TAFA1: variants seen among roughly 807,000 people sequenced by gnomAD.
TAFA1 encodes the protein TAFA chemokine like family member 1.
In TAFA1, 4 loss-of-function variants were observed where a neutral mutation model predicts 18.5. The observed-to-expected ratio is 0.22, with a 90% CI of 0.11 to 0.49. The LOEUF is 0.49. TAFA1 is among the 20% of genes least tolerant of loss of function. TAFA1 has a pLI of 0.98. For missense variants in TAFA1, 147 were observed against 169.0 expected, an observed-to-expected ratio of 0.87 and a Z score of 0.72; for synonymous variants, 56 against 55.2, an observed-to-expected ratio of 1.01 and a Z score of -0.06.
chr3:68,487,470 A>G (rs1015070675), intron 3 of TAFA1, among the ~76,000 whole-genome samples: 4 of 152,280 alleles, frequency 2.6e-5, no homozygotes, highest in Admixed American at 6.5e-5. Context: ...ACTGTTGGCC[A>G]GGCGTGGTAG....
At chr3:68,087,692 T>C (rs1193829212) in intron 2 of TAFA1, among the ~76,000 whole-genome samples, 3 of 151,962 alleles carry the variant, frequency 2.0e-5, no homozygotes, top group Non-Finnish European at 4.4e-5. Context: ...AACATAGCAT[T>C]ATATTAAACA....
chr3:68,344,747 CTT>C (rs1177197282), intron 2 of TAFA1, among the ~76,000 whole-genome samples: 4 of 152,112 alleles, frequency 2.6e-5, no homozygotes. Context: ...TCTACACAGT[CTT>C]TAGCTGCCAG....
chr3:68,272,965 C>A (rs1269129068), intron 2 of TAFA1, among the ~76,000 whole-genome samples: 1 of 151,988 alleles, frequency 6.6e-6, no homozygotes, highest in African/African-American at 2.4e-5. Flanking sequence ...CCTGGCCTGG[C>A]CTGTTCTGTC....
chr3:68,400,032 C>T (rs2070457959), intron 2 of TAFA1, among the ~76,000 whole-genome samples: 1 of 152,214 alleles, frequency 6.6e-6, no homozygotes, highest in Non-Finnish European at 1.5e-5. Context: ...TGTTTCCACA[C>T]AGCCCAGGTC....
intron 2 of TAFA1, among the ~76,000 whole-genome samples, chr3:68,129,608 T>C (rs1009031159): frequency 5.9e-5 from 9 of 152,352 alleles, no homozygotes; most frequent in African/African-American, 1.7e-4. Flanking sequence ...AACATGATAA[T>C]TGTTCTTCAA....
chr3:68,385,861 C>T (rs1317561889), intron 2 of TAFA1, among the ~76,000 whole-genome samples: 1 of 152,014 alleles, frequency 6.6e-6, no homozygotes, highest in Non-Finnish European at 1.5e-5. Flanking sequence ...ATACATATAG[C>T]ATGCAGTGAG....
chr3:68,288,522 C>G (rs2068055677), intron 2 of TAFA1, among the ~76,000 whole-genome samples: 1 of 152,150 alleles, frequency 6.6e-6, no homozygotes, highest in South Asian at 2.1e-4. Context: ...GGCTAGATTC[C>G]CTTTGTTTGT....
At chr3:68,408,214 T>C (rs942997373) in intron 2 of TAFA1, among the ~76,000 whole-genome samples, 6 of 152,226 alleles carry the variant, frequency 3.9e-5, no homozygotes, top group Admixed American at 1.3e-4. Context: ...CCATCTTAAC[T>C]TTCTTTAAAT....
intron 2 of TAFA1, among the ~76,000 whole-genome samples, chr3:68,029,052 T>C (rs1405119651): frequency 6.6e-6 from 1 of 152,114 alleles, no homozygotes; most frequent in Non-Finnish European, 1.5e-5. Context: ...CATGACTGGC[T>C]AGCCTCACTC....
At chr3:68,498,770 G>A (rs1312876686) in intron 3 of TAFA1, among the ~76,000 whole-genome samples, 1 of 118,262 alleles carries the variant, frequency 8.5e-6, no homozygotes, top group Non-Finnish European at 1.6e-5. Context: ...GAGAGAGAGA[G>A]AAAACTATTT....
chr3:68,082,293 G>C (rs879918381), intron 2 of TAFA1, among the ~76,000 whole-genome samples: 2 of 152,232 alleles, frequency 1.3e-5, no homozygotes, highest in African/African-American at 4.8e-5. Flanking sequence ...CACGCTGGGA[G>C]CTGTAGACCG....
chr3:68,381,940 G>A (rs1041723947), intron 2 of TAFA1, among the ~76,000 whole-genome samples: 14 of 152,114 alleles, frequency 9.2e-5, no homozygotes, highest in Admixed American at 6.6e-4. Flanking sequence ...TTTGAGATAC[G>A]TCCCATCAAT....
chr3:68,380,456 C>A (rs915437969), intron 2 of TAFA1, among the ~76,000 whole-genome samples: 1 of 152,152 alleles, frequency 6.6e-6, no homozygotes, highest in African/African-American at 2.4e-5. Flanking sequence ...TAATGATCGC[C>A]ATTCTAACTG....
intron 3 of TAFA1, among the ~76,000 whole-genome samples, chr3:68,443,118 G>A (rs1297357650): frequency 3.3e-5 from 5 of 152,032 alleles, no homozygotes; most frequent in Non-Finnish European, 5.9e-5. Context: ...ACCTTGGCTC[G>A]AAAATGACTC....
chr3:68,254,176 T>C lies in TAFA1; in HGVS notation c.119-163104T>C, dbSNP rs58495972. Among the ~76,000 whole-genome samples, 12 of 149,722 alleles carry C rather than the reference T, an allele frequency of 8.0e-5. No individual in the cohort carries two copies. The East Asian group carries it at 1.6e-3, about 20-fold the overall frequency. ...ATCTATCTGTCTATCTATCTATCTATCTATCTATCTAATCTGTCTATCCAT... is the reference window on the plus strand; with the variant it reads ...ATCTATCTGTCTATCTATCTATCTACCTATCTATCTAATCTGTCTATCCAT... On this transcript the variant is annotated intron_variant, in intron 2 of 4. Transcript: ENST00000478136.
At chr3:68,022,185 A>G (rs1184926250) in intron 2 of TAFA1, among the ~76,000 whole-genome samples, 2 of 152,218 alleles carry the variant, frequency 1.3e-5, no homozygotes, top group African/African-American at 4.8e-5. Flanking sequence ...TTGTAAGCAG[A>G]AAACCCTATT....
At chr3:68,259,798 A>T (rs1247581886) in intron 2 of TAFA1, among the ~76,000 whole-genome samples, 2 of 151,208 alleles carry the variant, frequency 1.3e-5, no homozygotes, top group African/African-American at 4.9e-5. Context: ...GTATCCTGAG[A>T]CTTTGCTGAA....
chr3:68,228,474 C>A (rs1477775820), intron 2 of TAFA1, among the ~76,000 whole-genome samples: 1 of 152,144 alleles, frequency 6.6e-6, no homozygotes, highest in Non-Finnish European at 1.5e-5. Context: ...AAAAATATTT[C>A]CGCAGAAAAT....
At chr3:68,419,836 C>G (rs146850257) in intron 3 of TAFA1, among the ~76,000 whole-genome samples, 1 of 152,144 alleles carries the variant, frequency 6.6e-6, no homozygotes. Context: ...ATAAAGGAAT[C>G]GCGGTGAACC....
Sources: gnomAD v4.1 joint callset for allele counts (sites outside exome capture counted in the v4.1 genomes callset) on GRCh38, gnomAD v4.1.1 for gene constraint, MANE v1.5 for transcripts, NCBI Gene and HGNC (gene_info 2026-07-23, HGNC 2026-07-21) for gene names.